Variants in RIMBP2 observed in about 807,000 individuals in gnomAD.
The protein encoded by RIMBP2 is RIMS binding protein 2.
RIMBP2 carries 48 observed loss-of-function variants against 118.6 expected under a neutral mutation model. The observed-to-expected ratio is 0.40, with a 90% CI of 0.32 to 0.51. The LOEUF is 0.51. Ranked by LOEUF, RIMBP2 falls within the 20% of genes least tolerant of loss-of-function variation. The probability of loss-of-function intolerance (pLI) is 0.41; values close to 1 mark genes in which losing one functional copy is unlikely to be tolerated. For missense variants in RIMBP2, 1,551 were observed against 1,768.3 expected, an observed-to-expected ratio of 0.88 and a Z score of 2.20; for synonymous variants, 762 against 742.9, an observed-to-expected ratio of 1.03 and a Z score of -0.42.
intron 11 of RIMBP2, among the ~76,000 whole-genome samples, chr12:130,438,742 C>T (rs1039739782): frequency 1.3e-5 from 2 of 152,132 alleles, no homozygotes; most frequent in African/African-American, 2.4e-5. Flanking sequence ...CCTTTAAATT[C>T]GGCATTTAGT....
chr12:130,609,554 T>C (rs78199888), intron 2 of RIMBP2, among the ~76,000 whole-genome samples: 2,612 of 149,448 alleles, frequency 0.017, 196 homozygotes, highest in African/African-American at 0.057. Flanking sequence ...GCGGGGTGGT[T>C]AGTCAGGGTT....
rs1230410879 is a variant in RIMBP2, at chr12:130,620,227, C to T, written c.-217+8095G>A. Among the ~76,000 whole-genome samples, 2 of 152,096 alleles carry T rather than the reference C, an allele frequency of 1.3e-5. No homozygotes were observed. Among genetic ancestry groups the T allele is most frequent in the African/African-American group, 4.8e-5 (2 of 41,396 alleles). ...AAGTGGTGGCAGTTAAACAATCAGTCCCCTGAATTTAAATCTTGAGCAGAG... is the reference window on the plus strand; with the variant it reads ...AAGTGGTGGCAGTTAAACAATCAGTTCCCTGAATTTAAATCTTGAGCAGAG... On this transcript the variant is annotated intron_variant, in intron 2 of 22. Transcript: ENST00000690449. The surrounding 1 kb of genome is among the most constrained non-coding windows in gnomAD (Gnocchi z 5.3).
chr12:130,435,870 T>A (rs1265439471), intron 13 of RIMBP2, among the ~76,000 whole-genome samples: 1 of 152,168 alleles, frequency 6.6e-6, no homozygotes, highest in Non-Finnish European at 1.5e-5. Flanking sequence ...GTCCTTTCTG[T>A]CCTCCTAGAC....
At chr12:130,560,585 G>A (rs7975553) in intron 2 of RIMBP2, among the ~76,000 whole-genome samples, 56,313 of 152,070 alleles carry the variant, frequency 0.37, 10,793 homozygotes, top group Non-Finnish European at 0.43. Flanking sequence ...CATGGGTTAC[G>A]CTTTCCCCAT....
At chr12:130,645,235 G>A (rs962431985) in intron 1 of RIMBP2, among the ~76,000 whole-genome samples, 7 of 151,982 alleles carry the variant, frequency 4.6e-5, no homozygotes, top group African/African-American at 1.7e-4. Context: ...CTGGGACTAC[G>A]GTGTGTCCAC....
intron 2 of RIMBP2, among the ~76,000 whole-genome samples, chr12:130,543,604 G>A (rs1338975860): frequency 6.6e-6 from 1 of 152,016 alleles, no homozygotes; most frequent in Non-Finnish European, 1.5e-5. Context: ...TGCCTCACGA[G>A]GAATTGGCCG....
rs12815066 is a variant in RIMBP2, at chr12:130,522,511, C to T, written c.-216-4594G>A. Among the ~76,000 whole-genome samples, 959 of 152,332 alleles carry T rather than the reference C, an allele frequency of 6.3e-3. 5 individuals are homozygous for T. The highest frequency in any genetic ancestry group is 7.1e-3 in the Admixed American group (108 of 15,310). ...ACACTGGGTTTCCATCCAAAACATCCCTGTTTGGATATGGTGGCTACTAAC... is the reference window on the plus strand; with the variant it reads ...ACACTGGGTTTCCATCCAAAACATCTCTGTTTGGATATGGTGGCTACTAAC... On this transcript the variant is annotated intron_variant, in intron 2 of 22. Coordinates refer to ENST00000690449, the MANE Select transcript of RIMBP2 (RefSeq NM_001393629.1).
chr12:130,664,415 A>ACACACGCACGCACGCACGCACG (rs2063805842), intron 1 of RIMBP2, among the ~76,000 whole-genome samples: 1 of 130,496 alleles, frequency 7.7e-6, no homozygotes. Context: ...ACGCACGCAC[A>ACACACGCACGCACGCACGCACG]CACACGCACA....
At position 130,450,227 on chromosome 12, in the gene RIMBP2, T is replaced by C; in HGVS notation, c.554A>G (p.Lys185Arg). 1.9e-6 allele frequency: 3 copies of C among 1,609,182 alleles called. No individual in the cohort carries two copies. Among genetic ancestry groups the C allele is most frequent in the Non-Finnish European group, 2.5e-6 (3 of 1,177,414 alleles). The change falls in exon 9 of 23, where the codon AAG (lysine) becomes AGG (arginine). Residue 185 changes from lysine (K) to arginine (R), a missense_variant. Lys to Arg is a conservative substitution (Grantham distance 26, BLOSUM62 2). Coordinates refer to ENST00000690449, the MANE Select transcript of RIMBP2 (RefSeq NM_001393629.1). This position sits in a 1 kb window ranked among gnomAD's most constrained non-coding sequence, Gnocchi z 4.8. ...ATAGCGGGCAACACAGAGGTGGACC[T>C]TCCCCGAGTATCTCTGCTTGGAGGT... The part of the protein sequence containing the change: ...SNTSKQRYSG[K>R]VHLCVARYSY...
In RIMBP2 at chr12:130,524,425, G is replaced by A. The variant is rs1386518645; in HGVS notation, c.-216-6508C>T. On this transcript the variant is annotated intron_variant, in intron 2 of 22. Coordinates refer to ENST00000690449, the MANE Select transcript of RIMBP2 (RefSeq NM_001393629.1). ...AGTGAGCAGGGGATACACCTCATGA[G>A]TGACCAGCCCCATGCACAGACCCAC... is the stretch of plus-strand genomic sequence containing the variant. 2.6e-5 allele frequency among the ~76,000 whole-genome samples: 4 copies of A among 152,054 alleles called. No individual in the cohort carries two copies. The South Asian group carries it at 6.2e-4, about 24-fold the overall frequency.
At chr12:130,605,205 CTAA>C (rs1341120366) in intron 2 of RIMBP2, among the ~76,000 whole-genome samples, 1 of 152,166 alleles carries the variant, frequency 6.6e-6, no homozygotes, top group African/African-American at 2.4e-5. Context: ...ACATACTATC[CTAA>C]TAATATAATG....
At chr12:130,548,298 A>G (rs1455318192) in intron 2 of RIMBP2, among the ~76,000 whole-genome samples, 4 of 152,072 alleles carry the variant, frequency 2.6e-5, no homozygotes, top group Non-Finnish European at 4.4e-5. Context: ...CTAATTTCTC[A>G]TCTTCCCCTT....
At chr12:130,645,219 G>T (rs1356732366) in intron 1 of RIMBP2, among the ~76,000 whole-genome samples, 3 of 151,680 alleles carry the variant, frequency 2.0e-5, no homozygotes, top group Non-Finnish European at 4.4e-5. Context: ...TCAGGTCCCC[G>T]AGTAGCTGGG....
At chr12:130,490,771 G>A (rs768291400) in intron 4 of RIMBP2, among the ~76,000 whole-genome samples, 2 of 152,150 alleles carry the variant, frequency 1.3e-5, no homozygotes, top group African/African-American at 4.8e-5. Context: ...CAACAGAATC[G>A]GCCAAGTGGG....
intron 17 of RIMBP2, among the ~76,000 whole-genome samples, chr12:130,417,467 C>T (rs1593224631): frequency 6.6e-6 from 1 of 152,184 alleles, no homozygotes; most frequent in African/African-American, 2.4e-5. Flanking sequence ...AGAAAATTAA[C>T]ACAAGAACAG....
chr12:130,565,015 T>C lies in RIMBP2; in HGVS notation c.-216-47098A>G, dbSNP rs111428907. On this transcript the variant is annotated intron_variant, in intron 2 of 22. Transcript: ENST00000690449. ...ACTCAAACTGTATAAATTAATTATG[T>C]ACAGTTTTTGGTATCCAATTATACC... 3.0e-3 allele frequency among the ~76,000 whole-genome samples: 461 copies of C among 152,324 alleles called. 2 individuals carry two copies. The highest frequency in any genetic ancestry group is 4.4e-3 in the Non-Finnish European group (297 of 68,036).
At chr12:130,616,155 C>G (rs1174667548) in intron 2 of RIMBP2, among the ~76,000 whole-genome samples, 1 of 152,194 alleles carries the variant, frequency 6.6e-6, no homozygotes, top group African/African-American at 2.4e-5. Context: ...ACGTTTCCCA[C>G]CAGACAAATG....
At chr12:130,520,088 G>C (rs1275755760) in intron 2 of RIMBP2, among the ~76,000 whole-genome samples, 1 of 152,282 alleles carries the variant, frequency 6.6e-6, no homozygotes, top group East Asian at 1.9e-4. Flanking sequence ...TGCAAGAAAG[G>C]AGCACAGGGA....
intron 4 of RIMBP2, among the ~76,000 whole-genome samples, chr12:130,488,082 G>A (rs548747918): frequency 1.3e-5 from 2 of 152,238 alleles, no homozygotes; most frequent in African/African-American, 4.8e-5. Flanking sequence ...ATTTTGAGTG[G>A]AGGATTCATC....
Sources: allele counts gnomAD v4.1 joint callset (sites outside exome capture counted in the v4.1 genomes callset), GRCh38; gene constraint gnomAD v4.1.1; non-coding constraint Gnocchi (gnomAD v3.1); transcripts MANE v1.5; gene names NCBI Gene and HGNC (gene_info 2026-07-23, HGNC 2026-07-21).